Variants in IMMT observed in about 807,000 individuals in gnomAD.
The protein encoded by IMMT is MICOS complex subunit MIC60.
Under a neutral mutation model 92.7 loss-of-function variants are expected in IMMT, and 40 were observed. The ratio of observed to expected loss-of-function variants is 0.43; its 90% CI spans 0.34 to 0.56. IMMT has a LOEUF of 0.56. Among genes scored for constraint, IMMT ranks in the 20% least tolerant of loss-of-function variants. The pLI is 0.03. For synonymous variants in IMMT, 322 were observed against 336.1 expected, an observed-to-expected ratio of 0.96 and a Z score of 0.46; for missense variants, 831 against 912.1, an observed-to-expected ratio of 0.91 and a Z score of 1.14.
intron 6 of IMMT, among the ~76,000 whole-genome samples, chr2:86,167,484 GTTTT>G (rs66768832): frequency 2.4e-5 from 3 of 123,212 alleles, no homozygotes; most frequent in Non-Finnish European, 3.3e-5. Context: ...TTTGTTTTTT[GTTTT>G]TTTTTTTTTT....
intron 12 of IMMT, among the ~76,000 whole-genome samples, chr2:86,148,649 T>C (rs1396402260): frequency 6.6e-6 from 1 of 152,068 alleles, no homozygotes; most frequent in African/African-American, 2.4e-5. Context: ...AAGTATCTGG[T>C]AGTTATTGAC....
intron 4 of IMMT, among the ~76,000 whole-genome samples, chr2:86,173,122 A>G (rs1461191474): frequency 6.6e-6 from 1 of 152,254 alleles, no homozygotes; most frequent in African/African-American, 2.4e-5. Context: ...GACAGACACA[A>G]CAAAGGAGAA....
chr2:86,189,109 T>C (rs1672968586), intron 1 of IMMT, among the ~76,000 whole-genome samples: 1 of 152,126 alleles, frequency 6.6e-6, no homozygotes. Flanking sequence ...TAAGGACCTA[T>C]GACATAGAAA....
chr2:86,168,345 C>T (rs750179181), intron 6 of IMMT, among the ~76,000 whole-genome samples: 13 of 151,954 alleles, frequency 8.6e-5, no homozygotes, highest in East Asian at 5.8e-4. Context: ...ATAAATGGGC[C>T]GGCGCAGTGG....
At chr2:86,159,840 G>A in intron 8 of IMMT, 169 bp from the exon 9 acceptor site, 1 of 433,834 alleles carries the variant, frequency 2.3e-6, no homozygotes, top group Non-Finnish European at 3.9e-6. Flanking sequence ...GATCACTTGA[G>A]CCCAGGAGTT....
Position 86,195,451 on chromosome 2 carries a change from G to C in IMMT, c.-69C>G. 1 of 1,500,252 alleles carries C rather than the reference G, an allele frequency of 6.7e-7. No individual in the cohort carries two copies. The highest frequency in any genetic ancestry group is 9.0e-7 in the Non-Finnish European group (1 of 1,113,914). 92.9% of individuals were successfully genotyped at this position (1,500,252 alleles called of 1,614,324 possible). ...GGCGGCGCGAGTTAAGTGGAGGCGT[G>C]CTTGCGTGTGTGCGTGCCCGCGTCC... On this transcript the variant is annotated 5_prime_UTR_variant, in exon 1 of 15. Transcript: ENST00000410111.
At chr2:86,157,345 C>G (rs1675922851) in intron 10 of IMMT, among the ~76,000 whole-genome samples, 1 of 152,208 alleles carries the variant, frequency 6.6e-6, no homozygotes. Flanking sequence ...GGGTGGCCAT[C>G]ATGCAGAATG....
At chr2:86,151,199 T>C (rs1257021535) in intron 12 of IMMT, 98 bp downstream of exon 12, 3 of 1,059,482 alleles carry the variant, frequency 2.8e-6, no homozygotes, top group Admixed American at 4.0e-5. Context: ...ATTACAGGCA[T>C]GAACCACTGC....
At chr2:86,191,722 T>G (rs1334529243) in intron 1 of IMMT, among the ~76,000 whole-genome samples, 3 of 130,858 alleles carry the variant, frequency 2.3e-5, no homozygotes, top group African/African-American at 8.7e-5. Context: ...GCTAACACGG[T>G]GAAACCCCGT....
At chr2:86,154,800 G>A in intron 10 of IMMT, among the ~76,000 whole-genome samples, 1 of 152,134 alleles carries the variant, frequency 6.6e-6, no homozygotes, top group South Asian at 2.1e-4. Flanking sequence ...CACGTGACAG[G>A]AGAAGGGGAA....
intron 12 of IMMT, 40 bp downstream of exon 12, chr2:86,151,257 G>T: frequency 6.8e-7 from 1 of 1,474,398 alleles, no homozygotes; most frequent in South Asian, 1.1e-5. Flanking sequence ...TCAAGTTAGA[G>T]TCACTTTAAA....
In IMMT at chr2:86,171,316, C is replaced by T. The variant is rs1279906262; in HGVS notation, c.451G>A (p.Ala151Thr). ...APTEAAQIIS[A>T]AGDTLSVPAP... is the part of the protein sequence containing the mutation. ...GGGACCGACAGGGTATCACCTGCTG[C>T]AGAAATAATTTGAGCCGCTTCTGTA... Residue 151 changes from alanine (A) to threonine (T), a missense_variant, in exon 5 of 15, where the codon GCA becomes ACA. Physicochemically the swap from Ala to Thr is moderately conservative, Grantham distance 58. Transcript: ENST00000410111. 6.2e-7 allele frequency: 1 copy of T among 1,611,508 alleles called. No individual in the cohort carries two copies. The highest frequency in any genetic ancestry group is 1.1e-5 in the South Asian group (1 of 90,558).
intron 2 of IMMT, among the ~76,000 whole-genome samples, chr2:86,180,873 C>G (rs1324127461): frequency 6.6e-6 from 1 of 150,880 alleles, no homozygotes; most frequent in Admixed American, 6.6e-5. Context: ...GGCAACAGAG[C>G]GAGACTCTGT....
intron 1 of IMMT, among the ~76,000 whole-genome samples, chr2:86,193,538 G>A (rs1380730580): frequency 3.3e-5 from 5 of 152,154 alleles, no homozygotes; most frequent in Non-Finnish European, 5.9e-5. Flanking sequence ...AAAGTTCTGA[G>A]AGTTGATGTA....
At chr2:86,184,929 C>A (rs1367944267) in intron 1 of IMMT, among the ~76,000 whole-genome samples, 1 of 152,192 alleles carries the variant, frequency 6.6e-6, no homozygotes, top group Admixed American at 6.5e-5. Context: ...TGGCTTACGC[C>A]TGTAATCCCA....
chr2:86,181,646 GTTAA>G (rs1348190934), intron 1 of IMMT, among the ~76,000 whole-genome samples: 2 of 151,498 alleles, frequency 1.3e-5, no homozygotes, highest in African/African-American at 2.4e-5. Context: ...TCTTAAGTAT[GTTAA>G]TTATTTCTTG....
chr2:86,147,727 T>C lies in IMMT; in HGVS notation c.1508A>G (p.Gln503Arg), dbSNP rs199816736. The C allele has an allele frequency of 6.2e-7, 1 of 1,613,578 alleles. No homozygotes were observed. Among genetic ancestry groups the C allele is most frequent in the Non-Finnish European group, 8.5e-7 (1 of 1,179,710 alleles). Residue 503 changes from glutamine to arginine, a missense_variant, in exon 13 of 15, where the codon CAG becomes CGG. Gln to Arg is a conservative substitution (Grantham distance 43). Coordinates refer to ENST00000410111, the MANE Select transcript of IMMT (RefSeq NM_006839.3). ...HLRDVLRVQE[Q>R]ELKSEFEQNL... ...CTGCTCAAATTCAGACTTCAATTCC[T>C]GTTCTTGTACCCTAAGGACATCTCG...
At chr2:86,190,067 C>T (rs1011364906) in intron 1 of IMMT, among the ~76,000 whole-genome samples, 3 of 152,102 alleles carry the variant, frequency 2.0e-5, no homozygotes, top group Admixed American at 1.3e-4. Context: ...GTTATCACTT[C>T]GGTGTAGTAA....
At chr2:86,163,867 G>A (rs1161357251) in intron 7 of IMMT, among the ~76,000 whole-genome samples, 1 of 148,802 alleles carries the variant, frequency 6.7e-6, no homozygotes, top group African/African-American at 2.5e-5. Flanking sequence ...GCTGAGGTAG[G>A]AGAATCGCTG....
Sources: gnomAD v4.1 joint callset for allele counts (sites outside exome capture counted in the v4.1 genomes callset) on GRCh38, gnomAD v4.1.1 for gene constraint, MANE v1.5 for transcripts, NCBI Gene and HGNC (gene_info 2026-07-23, HGNC 2026-07-21) for gene names.